Variants in LSAMP observed in about 807,000 individuals in gnomAD.
The protein encoded by LSAMP is limbic system-associated membrane protein.
Under a neutral mutation model 38.6 loss-of-function variants are expected in LSAMP, and 7 were observed. The ratio of observed to expected loss-of-function variants is 0.18; its 90% CI spans 0.10 to 0.34. LSAMP has a LOEUF of 0.34. LSAMP is among the 10% of genes least tolerant of loss of function. The pLI, the probability that LSAMP is intolerant of heterozygous loss-of-function variation, is 1.00. For missense variants in LSAMP, 313 were observed against 420.0 expected (o/e 0.75, Z 2.23); for synonymous variants, 154 against 166.8 (o/e 0.92, Z 0.59).
chr3:116,405,847 G>C (rs2048891169), intron 1 of LSAMP, among the ~76,000 whole-genome samples: 1 of 152,100 alleles, frequency 6.6e-6, no homozygotes, highest in African/African-American at 2.4e-5. Context: ...TCTGTTGGGA[G>C]GGAGGTATGT....
Position 115,806,195 on chromosome 3 carries a change from A to G in LSAMP, c.*4122T>C, listed in dbSNP as rs1388777463. The G allele has an allele frequency of 2.0e-5, 3 of 152,230 alleles. No individual in the cohort carries two copies. Among genetic ancestry groups the G allele is most frequent in the Non-Finnish European group, 4.4e-5 (3 of 68,038 alleles). 9.4% of individuals were successfully genotyped at this position (152,230 alleles called of 1,614,324 possible). On this transcript the variant is annotated 3_prime_UTR_variant, in exon 7 of 7. Transcript: ENST00000490035. ...AAAAAGTGGGGCTCTATGTCTTTCT[A>G]CGTGAGCATAGATTTTCTTTCTAAA...
At chr3:116,166,327 A>G (rs1479438710) in intron 1 of LSAMP, among the ~76,000 whole-genome samples, 1 of 152,220 alleles carries the variant, frequency 6.6e-6, no homozygotes, top group African/African-American at 2.4e-5. Context: ...GGAGCCAGGT[A>G]CTATTATGAT....
At chr3:115,892,376 T>C (rs1401856209) in intron 3 of LSAMP, among the ~76,000 whole-genome samples, 3 of 152,020 alleles carry the variant, frequency 2.0e-5, no homozygotes, top group African/African-American at 4.8e-5. Context: ...GAATAGACTC[T>C]AAACATTGTG....
Position 115,853,240 on chromosome 3 carries a change from C to G in LSAMP, c.515-623G>C, listed in dbSNP as rs528551663. Among the ~76,000 whole-genome samples the G allele has an allele frequency of 8.5e-5, 13 of 152,314 alleles. No homozygotes were observed. In the South Asian group the frequency reaches 2.7e-3, roughly 32 times the overall value. On this transcript the variant is annotated intron_variant, in intron 3 of 6. Transcript: ENST00000490035. ...TCTTCAGATTCTGTTAAATTCTGTT[C>G]ACAAGGATTGTATGCTAAACTGTCT... is the stretch of plus-strand genomic sequence containing the variant.
chr3:116,063,211 C>A (rs1483683503), intron 2 of LSAMP, among the ~76,000 whole-genome samples: 1 of 152,016 alleles, frequency 6.6e-6, no homozygotes, highest in Non-Finnish European at 1.5e-5. Flanking sequence ...GTGTCTTGAT[C>A]TTTGCATTTG....
At chr3:116,352,793 G>A (rs2048160296) in intron 1 of LSAMP, among the ~76,000 whole-genome samples, 1 of 151,994 alleles carries the variant, frequency 6.6e-6, no homozygotes, top group Non-Finnish European at 1.5e-5. Flanking sequence ...TTGCTGCATT[G>A]TATAATAATG....
intron 1 of LSAMP, among the ~76,000 whole-genome samples, chr3:116,123,555 A>G (rs1708936526): frequency 6.6e-6 from 1 of 151,720 alleles, no homozygotes; most frequent in African/African-American, 2.4e-5. Flanking sequence ...AGCAAAAGCC[A>G]TTCTGCTTTA....
intron 1 of LSAMP, among the ~76,000 whole-genome samples, chr3:116,108,221 A>G (rs567576931): frequency 2.3e-3 from 351 of 152,276 alleles, no homozygotes; most frequent in Non-Finnish European, 4.1e-3. Flanking sequence ...GAAGAAGGGC[A>G]GCAATGAGAT....
chr3:116,157,544 C>T (rs946061123), intron 1 of LSAMP, among the ~76,000 whole-genome samples: 1 of 150,772 alleles, frequency 6.6e-6, no homozygotes, highest in Non-Finnish European at 1.5e-5. Flanking sequence ...AAATATATTT[C>T]AAAAAAAATA....
intron 1 of LSAMP, among the ~76,000 whole-genome samples, chr3:116,143,316 G>A (rs931958685): frequency 2.0e-5 from 3 of 151,834 alleles, no homozygotes; most frequent in Non-Finnish European, 4.4e-5. Context: ...TTTGCATAGA[G>A]TTGTTTATTT....
At chr3:116,207,502 A>G (rs1359166998) in intron 1 of LSAMP, among the ~76,000 whole-genome samples, 3 of 150,244 alleles carry the variant, frequency 2.0e-5, no homozygotes, top group Non-Finnish European at 3.0e-5. Context: ...CCTAGTCTCG[A>G]TGGTCTTTAC....
intron 1 of LSAMP, among the ~76,000 whole-genome samples, chr3:116,217,553 C>T (rs1468003): frequency 0.81 from 122,594 of 152,222 alleles, 50,127 homozygotes; most frequent in East Asian, 0.91. Flanking sequence ...TCGAGGCATT[C>T]TACAGGCTTG....
At chr3:115,994,566 C>T (rs1293699668) in intron 3 of LSAMP, among the ~76,000 whole-genome samples, 2 of 151,968 alleles carry the variant, frequency 1.3e-5, no homozygotes, top group Non-Finnish European at 2.9e-5. Context: ...AGGCTAGCCA[C>T]ATTTAACTGC....
intron 1 of LSAMP, among the ~76,000 whole-genome samples, chr3:116,185,648 A>G (rs1710597055): frequency 6.6e-6 from 1 of 152,086 alleles, no homozygotes; most frequent in East Asian, 1.9e-4. Context: ...CAAGCCACCT[A>G]GTATTAAATA....
intron 2 of LSAMP, among the ~76,000 whole-genome samples, chr3:116,034,325 A>G (rs1484141169): frequency 6.6e-6 from 1 of 152,048 alleles, no homozygotes; most frequent in Non-Finnish European, 1.5e-5. Context: ...GCCACCAGGA[A>G]TATTCTTGAT....
intron 1 of LSAMP, among the ~76,000 whole-genome samples, chr3:116,440,374 G>C (rs2049416892): frequency 6.6e-6 from 1 of 152,174 alleles, no homozygotes; most frequent in African/African-American, 2.4e-5. Context: ...TCAGCTTTGA[G>C]AAACACAAAG....
intron 3 of LSAMP, among the ~76,000 whole-genome samples, chr3:115,980,392 A>T (rs981598154): frequency 6.6e-6 from 1 of 152,050 alleles, no homozygotes; most frequent in African/African-American, 2.4e-5. Flanking sequence ...CAACTCCTCA[A>T]TCTTTTTTCT....
intron 1 of LSAMP, among the ~76,000 whole-genome samples, chr3:116,425,873 CA>C (rs67102242): frequency 0.57 from 83,857 of 146,072 alleles, 25,071 homozygotes; most frequent in South Asian, 0.72. Context: ...CATCCTAAAG[CA>C]AAAAAAAAAA....
At chr3:116,208,943 C>A (rs556162906) in intron 1 of LSAMP, among the ~76,000 whole-genome samples, 11 of 152,310 alleles carry the variant, frequency 7.2e-5, no homozygotes, top group South Asian at 2.1e-4. Flanking sequence ...TGGAGCTTCC[C>A]GGCTGCTTTG....
Sources: gnomAD v4.1 joint callset for allele counts (sites outside exome capture counted in the v4.1 genomes callset) on GRCh38, gnomAD v4.1.1 for gene constraint, MANE v1.5 for transcripts, NCBI Gene and HGNC (gene_info 2026-07-23, HGNC 2026-07-21) for gene names.